Variants in TBX20 observed in about 807,000 individuals in gnomAD.
TBX20 encodes the protein T-box transcription factor TBX20.
In TBX20, 8 loss-of-function variants were observed where a neutral mutation model predicts 42.9. That is an observed-to-expected ratio of 0.19 (90% CI 0.11 to 0.34). TBX20 has a LOEUF of 0.34. Ranked by LOEUF, TBX20 falls within the 10% of genes least tolerant of loss-of-function variation. The pLI, the probability that TBX20 is intolerant of heterozygous loss-of-function variation, is 1.00. For missense variants in TBX20, 411 were observed against 566.0 expected (o/e 0.73, Z 2.78); for synonymous variants, 198 against 222.8 (o/e 0.89, Z 0.99).
chr7:35,249,165 A>G lies in TBX20; in HGVS notation c.381-324T>C, dbSNP rs1043197454. 5.1e-4 allele frequency among the ~76,000 whole-genome samples: 77 copies of G among 152,226 alleles called. No individual in the cohort carries two copies. Among genetic ancestry groups the G allele is most frequent in the Non-Finnish European group, 8.8e-5 (6 of 68,040 alleles). On this transcript the variant is annotated intron_variant, in intron 2 of 7. Transcript: ENST00000408931. This position sits in a 1 kb window ranked among gnomAD's most constrained non-coding sequence, Gnocchi z 4.3. ...GAAAATCCCATGCATTTTAACGATC[A>G]AGCACATTAAGTGTCCCAGGACCCG...
At chr7:35,241,629 G>T (rs1008633853) in intron 4 of TBX20, among the ~76,000 whole-genome samples, 1 of 152,106 alleles carries the variant, frequency 6.6e-6, no homozygotes, top group Non-Finnish European at 1.5e-5. Flanking sequence ...AACAGGAAGT[G>T]CTCAGTAAAT....
intron 4 of TBX20, among the ~76,000 whole-genome samples, chr7:35,243,862 A>G (rs1280589134): frequency 6.6e-6 from 1 of 152,210 alleles, no homozygotes; most frequent in East Asian, 1.9e-4. Context: ...TGGTTGTAAT[A>G]AACACAGTCT....
chr7:35,250,299 T>C, intron 1 of TBX20, 96 bp from the exon 2 acceptor site: 2 of 1,485,138 alleles, frequency 1.3e-6, no homozygotes, highest in Non-Finnish European at 1.8e-6. Context: ...TGGATTTGAC[T>C]CAGGAAAAGT....
intron 6 of TBX20, among the ~76,000 whole-genome samples, chr7:35,210,008 A>C (rs1297394564): frequency 2.0e-5 from 3 of 152,186 alleles, no homozygotes; most frequent in Non-Finnish European, 4.4e-5. Flanking sequence ...TTACGGTCAG[A>C]GAGCCCACTT....
intron 6 of TBX20, among the ~76,000 whole-genome samples, chr7:35,217,138 A>G (rs182166964): frequency 7.2e-4 from 109 of 152,332 alleles, no homozygotes; most frequent in African/African-American, 2.2e-3. Context: ...TCTTTTAAAA[A>G]GCTTTTAGGC....
At chr7:35,244,824 A>G in intron 4 of TBX20, 125 bp downstream of exon 4, 1 of 714,338 alleles carries the variant, frequency 1.4e-6, no homozygotes, top group Non-Finnish European at 2.6e-6. Context: ...TTCCCATAAA[A>G]TGACTCAGAG....
At chr7:35,213,345 AG>A (rs1175144671) in intron 6 of TBX20, among the ~76,000 whole-genome samples, 9 of 152,194 alleles carry the variant, frequency 5.9e-5, no homozygotes, top group Admixed American at 5.9e-4. Context: ...AGTGGGAGAC[AG>A]GCTTCAGTAA....
At chr7:35,244,410 C>A (rs1242617906) in intron 4 of TBX20, among the ~76,000 whole-genome samples, 2 of 134,178 alleles carry the variant, frequency 1.5e-5, no homozygotes, top group Non-Finnish European at 3.3e-5. Flanking sequence ...CTTTAATATT[C>A]ATGAAACTCT....
chr7:35,231,386 T>C (rs1000939176), intron 6 of TBX20, 118 bp downstream of exon 6: 5 of 736,572 alleles, frequency 6.8e-6, no homozygotes, highest in African/African-American at 1.7e-5. Flanking sequence ...GTGCAGAGAA[T>C]AGAAGACTAT....
At chr7:35,217,614 C>T (rs984199773) in intron 6 of TBX20, among the ~76,000 whole-genome samples, 2 of 152,034 alleles carry the variant, frequency 1.3e-5, no homozygotes, top group Non-Finnish European at 2.9e-5. Flanking sequence ...TTGTGGTGAC[C>T]CCTTCTATAA....
At chr7:35,210,666 C>G (rs892018943) in intron 6 of TBX20, among the ~76,000 whole-genome samples, 1 of 152,084 alleles carries the variant, frequency 6.6e-6, no homozygotes, top group Non-Finnish European at 1.5e-5. Flanking sequence ...TACTTTATCC[C>G]TAGTAAAATT....
chr7:35,241,834 T>C (rs1253231504), intron 4 of TBX20, among the ~76,000 whole-genome samples: 1 of 152,174 alleles, frequency 6.6e-6, no homozygotes, highest in Non-Finnish European at 1.5e-5. Flanking sequence ...TTTTCATATA[T>C]CTTTTAAATA....
chr7:35,246,714 T>C (rs1332561465), intron 3 of TBX20, among the ~76,000 whole-genome samples: 3 of 152,092 alleles, frequency 2.0e-5, no homozygotes, highest in Admixed American at 6.5e-5. Flanking sequence ...CCTAAAACCA[T>C]GGGAAATTTT....
At chr7:35,227,646 C>T (rs1041745641) in intron 6 of TBX20, among the ~76,000 whole-genome samples, 4 of 152,232 alleles carry the variant, frequency 2.6e-5, no homozygotes, top group Middle Eastern at 3.4e-3. Context: ...CACTCTATGA[C>T]GTTTTCACAA....
At chr7:35,205,348 G>A (rs1789383218) in intron 6 of TBX20, among the ~76,000 whole-genome samples, 1 of 150,758 alleles carries the variant, frequency 6.6e-6, no homozygotes, top group South Asian at 2.1e-4. Flanking sequence ...TTGACCTTCT[G>A]CTTTTAAAAA....
chr7:35,210,890 A>G (rs557786013), intron 6 of TBX20, among the ~76,000 whole-genome samples: 140 of 152,102 alleles, frequency 9.2e-4, no homozygotes, highest in Non-Finnish European at 1.7e-3. Flanking sequence ...ATTTAATGAG[A>G]TTATTGATAT....
rs1443781114 is a variant in TBX20 at position 35,218,724 on chromosome 7, T to C, written c.890+12780A>G. Among the ~76,000 whole-genome samples the C allele has an allele frequency of 3.9e-5, 6 of 152,352 alleles. No homozygotes were observed. In the East Asian group the frequency reaches 1.2e-3, roughly 29 times the overall value. On this transcript the variant is annotated intron_variant, in intron 6 of 7. Transcript: ENST00000408931. The stretch of plus-strand genomic sequence containing the variant: ...TTACACTCCTTGATTTCTGTCTCTT[T>C]GTTCTGACATCTGCTATAGTCTGAA...
intron 3 of TBX20, among the ~76,000 whole-genome samples, chr7:35,246,805 T>A (rs1474756046): frequency 6.6e-6 from 1 of 152,076 alleles, no homozygotes; most frequent in African/African-American, 2.4e-5. Flanking sequence ...ACTATTTATT[T>A]TAATAATAAT....
At chr7:35,206,937 T>C (rs1789410298) in intron 6 of TBX20, among the ~76,000 whole-genome samples, 1 of 152,238 alleles carries the variant, frequency 6.6e-6, no homozygotes. Flanking sequence ...GATATTTGAC[T>C]TGTTTCTAGT....
Sources: allele counts gnomAD v4.1 joint callset (sites outside exome capture counted in the v4.1 genomes callset), GRCh38; gene constraint gnomAD v4.1.1; non-coding constraint Gnocchi (gnomAD v3.1); transcripts MANE v1.5; gene names NCBI Gene and HGNC (gene_info 2026-07-23, HGNC 2026-07-21).